Variants in MACROD2 observed in about 807,000 individuals in gnomAD.
MACROD2 encodes the protein mono-ADP ribosylhydrolase 2.
In MACROD2, 36 loss-of-function variants were observed where a neutral mutation model predicts 70.4. The observed-to-expected ratio is 0.51, with a 90% CI of 0.39 to 0.68. The LOEUF is 0.68. Among genes scored for constraint, MACROD2 ranks in the 30% least tolerant of loss-of-function variants. The pLI is 0.00. For missense variants in MACROD2, 496 were observed against 538.4 expected (o/e 0.92, Z 0.78); for synonymous variants, 172 against 178.8 (o/e 0.96, Z 0.30).
At chr20:14,179,138 CTCATGATGT>C (rs2081287470) in intron 3 of MACROD2, among the ~76,000 whole-genome samples, 2 of 152,112 alleles carry the variant, frequency 1.3e-5, no homozygotes, top group Admixed American at 1.3e-4. Context: ...CAGACTATGT[CTCATGATGT>C]AGCCTGACTG....
At chr20:14,763,028 A>G (rs1440177818) in intron 5 of MACROD2, among the ~76,000 whole-genome samples, 1 of 152,116 alleles carries the variant, frequency 6.6e-6, no homozygotes, top group African/African-American at 2.4e-5. Flanking sequence ...GAGCAGGAAA[A>G]TAACAGAGAA....
intron 3 of MACROD2, among the ~76,000 whole-genome samples, chr20:14,295,163 T>C (rs990430925): frequency 6.6e-6 from 1 of 151,910 alleles, no homozygotes; most frequent in African/African-American, 2.4e-5. Flanking sequence ...CGTGTGTGTT[T>C]TTACTATCAC....
intron 4 of MACROD2, among the ~76,000 whole-genome samples, chr20:14,578,123 A>G (rs539287804): frequency 6.6e-6 from 1 of 151,576 alleles, no homozygotes; most frequent in African/African-American, 2.4e-5. Flanking sequence ...TCCAAGAGGA[A>G]AGAGAATTGT....
intron 3 of MACROD2, among the ~76,000 whole-genome samples, chr20:14,126,448 G>T (rs540881530): frequency 2.0e-5 from 3 of 152,244 alleles, no homozygotes; most frequent in African/African-American, 7.2e-5. Flanking sequence ...TATGAATTTT[G>T]GGGGTCCATG....
At chr20:15,340,654 G>A (rs1212506873) in intron 6 of MACROD2, among the ~76,000 whole-genome samples, 1 of 152,048 alleles carries the variant, frequency 6.6e-6, no homozygotes, top group Non-Finnish European at 1.5e-5. Context: ...GCTTACTATG[G>A]AACACACATA....
chr20:14,698,077 C>G (rs753282121), intron 5 of MACROD2, among the ~76,000 whole-genome samples: 2 of 152,134 alleles, frequency 1.3e-5, no homozygotes, highest in Non-Finnish European at 2.9e-5. Flanking sequence ...ACCTCACCCT[C>G]ATGGAACTGT....
intron 5 of MACROD2, among the ~76,000 whole-genome samples, chr20:14,800,651 A>T (rs532115934): frequency 1.3e-5 from 2 of 152,152 alleles, no homozygotes; most frequent in Non-Finnish European, 2.9e-5. Flanking sequence ...AGGTTAATTA[A>T]AATAAGTCCT....
chr20:14,895,610 G>A (rs1453426516), intron 5 of MACROD2: 2 of 152,086 alleles, frequency 1.3e-5, no homozygotes, highest in Non-Finnish European at 2.9e-5. Flanking sequence ...ATTTCCAGAT[G>A]GTGTTTACAT....
chr20:14,303,917 T>A (rs2082497690), intron 3 of MACROD2, among the ~76,000 whole-genome samples: 2 of 152,118 alleles, frequency 1.3e-5, no homozygotes, highest in South Asian at 4.1e-4. Context: ...TTCTTTTGTG[T>A]CAAATTCAAC....
chr20:14,257,140 C>T (rs1300732628), intron 3 of MACROD2, among the ~76,000 whole-genome samples: 3 of 152,142 alleles, frequency 2.0e-5, no homozygotes, highest in Non-Finnish European at 2.9e-5. Context: ...TTACCCTGCA[C>T]CAATAAGGTA....
intron 5 of MACROD2, among the ~76,000 whole-genome samples, chr20:15,153,464 G>A (rs192800283): frequency 9.2e-5 from 14 of 152,294 alleles, no homozygotes; most frequent in African/African-American, 3.4e-4. Context: ...GCAGGTCACA[G>A]GGGATATGAT....
intron 5 of MACROD2, among the ~76,000 whole-genome samples, chr20:14,945,362 T>G (rs1157937579): frequency 6.6e-6 from 1 of 152,102 alleles, no homozygotes; most frequent in Non-Finnish European, 1.5e-5. Context: ...ATTTCAGGTA[T>G]GAGCCACCAT....
chr20:16,011,744 T>C (rs1465075332), intron 15 of MACROD2, among the ~76,000 whole-genome samples: 1 of 152,194 alleles, frequency 6.6e-6, no homozygotes, highest in Admixed American at 6.5e-5. Flanking sequence ...TGTCTTAGTA[T>C]CCCTGCTGTG....
At chr20:15,600,572 C>T (rs925061732) in intron 8 of MACROD2, among the ~76,000 whole-genome samples, 8 of 152,104 alleles carry the variant, frequency 5.3e-5, no homozygotes, top group Non-Finnish European at 1.0e-4. Context: ...GGAAATCTAA[C>T]CAAATGACAA....
chr20:15,164,233 A>G (rs998792593), intron 5 of MACROD2, among the ~76,000 whole-genome samples: 1 of 152,182 alleles, frequency 6.6e-6, no homozygotes, highest in Non-Finnish European at 1.5e-5. Context: ...AATACAGCAT[A>G]ACAGCTATTT....
At chr20:15,635,833 C>T (rs1019227316) in intron 8 of MACROD2, among the ~76,000 whole-genome samples, 3 of 151,650 alleles carry the variant, frequency 2.0e-5, no homozygotes, top group South Asian at 2.1e-4. Context: ...TTTGGGAGGC[C>T]GAGGCAGGCG....
chr20:14,655,037 TAA>T (rs1256590916), intron 4 of MACROD2, among the ~76,000 whole-genome samples: 2 of 152,158 alleles, frequency 1.3e-5, no homozygotes, highest in Non-Finnish European at 2.9e-5. Flanking sequence ...GTTTTTTTTT[TAA>T]TTGTAAGACT....
chr20:14,677,672 C>G (rs529671028), intron 4 of MACROD2, among the ~76,000 whole-genome samples: 4 of 152,224 alleles, frequency 2.6e-5, no homozygotes, highest in African/African-American at 9.6e-5. Context: ...AGTGTTCACC[C>G]CAATACTAGC....
At chr20:14,498,171 GA>G (rs1292482541) in intron 4 of MACROD2, among the ~76,000 whole-genome samples, 2 of 151,702 alleles carry the variant, frequency 1.3e-5, no homozygotes, top group African/African-American at 4.9e-5. Context: ...ATTCATGCTT[GA>G]AAAGGAATAA....
Sources: allele counts gnomAD v4.1 joint callset (sites outside exome capture counted in the v4.1 genomes callset), GRCh38; gene constraint gnomAD v4.1.1; transcripts MANE v1.5; gene names NCBI Gene and HGNC (gene_info 2026-07-23, HGNC 2026-07-21).